CES5A: variants seen among roughly 807,000 people sequenced by gnomAD.
The protein encoded by CES5A is carboxylesterase 5.
In CES5A, 67 loss-of-function variants were observed where a neutral mutation model predicts 62.9. The observed-to-expected ratio is 1.07, with a 90% CI of 0.88 to 1.31. The LOEUF is 1.31. CES5A is among the 50% of genes most tolerant of loss of function. CES5A has a pLI of 0.00. For missense variants in CES5A, 748 were observed against 708.5 expected (o/e 1.06, Z -0.63); for synonymous variants, 296 against 280.8 (o/e 1.05, Z -0.54).
At chr16:55,946,582 G>C (rs1165792912) in intron 2 of CES5A, among the ~76,000 whole-genome samples, 1 of 152,198 alleles carries the variant, frequency 6.6e-6, no homozygotes, top group Non-Finnish European at 1.5e-5. Context: ...AATTCTCACT[G>C]TTAGGCCATG....
intron 1 of CES5A, among the ~76,000 whole-genome samples, chr16:55,904,724 A>C (rs1189019211): frequency 6.6e-6 from 1 of 152,234 alleles, no homozygotes; most frequent in Non-Finnish European, 1.5e-5. Flanking sequence ...ACAGCTAATA[A>C]GTGACAAAGT....
intron 1 of CES5A, among the ~76,000 whole-genome samples, chr16:55,910,599 C>A (rs2142449832): frequency 6.6e-6 from 1 of 152,384 alleles, no homozygotes; most frequent in East Asian, 1.9e-4. Context: ...AGCCCAGGAT[C>A]TTGGAGGGAC....
chr16:55,874,916 C>T (rs1461944608), intron 1 of CES5A, among the ~76,000 whole-genome samples: 1 of 152,232 alleles, frequency 6.6e-6, no homozygotes, highest in Non-Finnish European at 1.5e-5. Context: ...AAACCCCTTG[C>T]AGGGTGTGAG....
intron 11 of CES5A, among the ~76,000 whole-genome samples, chr16:55,847,635 G>A (rs1245362516): frequency 2.0e-5 from 3 of 152,036 alleles, no homozygotes; most frequent in South Asian, 2.1e-4. Context: ...GACTGGACAC[G>A]TATTCTACAT....
chr16:55,858,091 C>G (rs12449181), intron 8 of CES5A, among the ~76,000 whole-genome samples: 49,764 of 151,812 alleles, frequency 0.33, 9,334 homozygotes, highest in African/African-American at 0.52. Flanking sequence ...CCCAGCTACT[C>G]GATAGGCTGA....
chr16:55,853,344 G>T (rs1284278276), intron 9 of CES5A, among the ~76,000 whole-genome samples: 1 of 152,188 alleles, frequency 6.6e-6, no homozygotes, highest in Non-Finnish European at 1.5e-5. Context: ...GGCAGAACTG[G>T]CTGCATCATC....
upstream of CES5A, among the ~76,000 whole-genome samples, chr16:55,926,143 G>T (rs2034255645): frequency 6.6e-6 from 1 of 152,028 alleles, no homozygotes; most frequent in Admixed American, 6.6e-5. Flanking sequence ...CTGGAATGAA[G>T]AAAAAATATC....
At chr16:55,942,029 G>T (rs1034137223) in intron 2 of CES5A, among the ~76,000 whole-genome samples, 2 of 152,150 alleles carry the variant, frequency 1.3e-5, no homozygotes, top group Non-Finnish European at 2.9e-5. Context: ...AATCCATATG[G>T]AAATGAATGA....
intron 4 of CES5A, among the ~76,000 whole-genome samples, chr16:55,869,270 C>T (rs1355183579): frequency 2.6e-5 from 4 of 152,198 alleles, no homozygotes; most frequent in African/African-American, 4.8e-5. Flanking sequence ...CATGCTGTCT[C>T]GGTCCACCCA....
chr16:55,925,411 T>C (rs2034248495), exon 1 of CES5A: 1 of 152,040 alleles, frequency 6.6e-6, no homozygotes, highest in Non-Finnish European at 1.5e-5. Context: ...ACACTGTTGA[T>C]GAAAATGTAA....
chr16:55,932,537 AGT>A (rs1298310594), intron 2 of CES5A, among the ~76,000 whole-genome samples: 2 of 116,674 alleles, frequency 1.7e-5, no homozygotes, highest in Non-Finnish European at 3.2e-5. Context: ...TAAAATAAAT[AGT>A]GTGTGATGAC....
chr16:55,869,814 A>G, intron 3 of CES5A, 70 bp from the exon 4 acceptor site: 1 of 1,519,238 alleles, frequency 6.6e-7, no homozygotes, highest in South Asian at 1.3e-5. Context: ...AGTTTGAGGC[A>G]CACGTTCTTA....
At chr16:55,908,740 T>G (rs1384525245) in intron 1 of CES5A, among the ~76,000 whole-genome samples, 1 of 152,204 alleles carries the variant, frequency 6.6e-6, no homozygotes, top group Non-Finnish European at 1.5e-5. Flanking sequence ...GACCTGCAAT[T>G]CCCGCAGTTT....
chr16:55,894,498 C>CAAAA (rs370359945), intron 1 of CES5A, among the ~76,000 whole-genome samples: 8,306 of 102,680 alleles, frequency 0.081, 409 homozygotes, highest in Non-Finnish European at 0.093. Context: ...AACTCTGTCT[C>CAAAA]AAAAAAAAAA....
chr16:55,913,206 G>A (rs975873728), intron 1 of CES5A, among the ~76,000 whole-genome samples: 13 of 152,208 alleles, frequency 8.5e-5, no homozygotes, highest in African/African-American at 1.9e-4. Flanking sequence ...TAGGGGGGTC[G>A]AAGTGAGTTT....
chr16:55,878,073 C>A (rs1739143293), upstream of CES5A, among the ~76,000 whole-genome samples: 1 of 152,152 alleles, frequency 6.6e-6, no homozygotes, highest in African/African-American at 2.4e-5. Flanking sequence ...GCCTGGATGG[C>A]CCCTGGGAGA....
At chr16:55,876,358 A>G (rs903095716), upstream of CES5A, among the ~76,000 whole-genome samples, 9 of 147,238 alleles carry the variant, frequency 6.1e-5, no homozygotes, top group African/African-American at 2.3e-4. Flanking sequence ...AAGCCAATAT[A>G]TGTTGCATTT....
intron 11 of CES5A, among the ~76,000 whole-genome samples, chr16:55,847,539 G>A (rs1400183234): frequency 1.3e-5 from 2 of 152,146 alleles, no homozygotes; most frequent in South Asian, 2.1e-4. Context: ...CAGATGCCCA[G>A]TGACGAGCCT....
At chr16:55,951,492 G>A (rs2034557094) in intron 1 of CES5A, among the ~76,000 whole-genome samples, 1 of 151,998 alleles carries the variant, frequency 6.6e-6, no homozygotes, top group Admixed American at 6.6e-5. Context: ...GAAATGAGAA[G>A]TCATTTAAAT....
Sources: gnomAD v4.1 joint callset for allele counts (sites outside exome capture counted in the v4.1 genomes callset) on GRCh38, gnomAD v4.1.1 for gene constraint, MANE v1.5 for transcripts, NCBI Gene and HGNC (gene_info 2026-07-23, HGNC 2026-07-21) for gene names.